SPOP: variants seen among roughly 807,000 people sequenced by gnomAD.
SPOP encodes speckle type BTB/POZ protein.
Under a neutral mutation model 45.6 loss-of-function variants are expected in SPOP, and 11 were observed. That is an observed-to-expected ratio of 0.24 (90% CI 0.15 to 0.40). The LOEUF (loss-of-function observed/expected upper bound fraction) is 0.40. Ranked by LOEUF, SPOP falls within the 10% of genes least tolerant of loss-of-function variation. SPOP has a pLI of 1.00. For missense variants in SPOP, 152 were observed against 465.6 expected (o/e 0.33, Z 6.20); for synonymous variants, 166 against 166.3 (o/e 1.00, Z 0.01).
intron 8 of SPOP, 91 bp from the exon 9 acceptor site, chr17:49,602,098 T>A: frequency 6.9e-7 from 1 of 1,439,692 alleles, no homozygotes; most frequent in Non-Finnish European, 9.5e-7. Flanking sequence ...ACCATCATAT[T>A]AACTAGATAC....
intron 1 of SPOP, among the ~76,000 whole-genome samples, chr17:49,656,276 GATC>G (rs2072912577): frequency 6.6e-6 from 1 of 152,160 alleles, no homozygotes; most frequent in Non-Finnish European, 1.5e-5. Flanking sequence ...GTATTGGGAA[GATC>G]ATTATTTAAA....
At chr17:49,668,659 A>G (rs534381724) in intron 1 of SPOP, among the ~76,000 whole-genome samples, 18 of 152,126 alleles carry the variant, frequency 1.2e-4, no homozygotes, top group Non-Finnish European at 2.1e-4. Context: ...AAGCTGGGTG[A>G]TAAGTATATG....
intron 1 of SPOP, among the ~76,000 whole-genome samples, chr17:49,659,505 T>G (rs1404572160): frequency 6.6e-6 from 1 of 152,166 alleles, no homozygotes; most frequent in Non-Finnish European, 1.5e-5. Context: ...TCCTTAAACC[T>G]CCAACCTACT....
intron 1 of SPOP, among the ~76,000 whole-genome samples, chr17:49,663,563 C>T (rs1407004156): frequency 6.6e-6 from 1 of 152,140 alleles, no homozygotes; most frequent in South Asian, 2.1e-4. Flanking sequence ...TAAATCTAAA[C>T]CCTTGAGTGT....
intron 1 of SPOP, among the ~76,000 whole-genome samples, chr17:49,677,521 C>T (rs950613416): frequency 6.6e-6 from 1 of 152,244 alleles, no homozygotes. Context: ...GACTCGTGCT[C>T]CACCGGCTCT....
intron 6 of SPOP, among the ~76,000 whole-genome samples, chr17:49,609,838 A>T (rs2071931083): frequency 6.6e-6 from 1 of 151,704 alleles, no homozygotes. Context: ...AATAACAGAG[A>T]GATAGTGAAG....
At chr17:49,649,961 G>A (rs2072819489) in intron 1 of SPOP, among the ~76,000 whole-genome samples, 2 of 151,566 alleles carry the variant, frequency 1.3e-5, no homozygotes, top group South Asian at 2.1e-4. Flanking sequence ...GCACGATCTC[G>A]GCTCACCTCA....
intron 1 of SPOP, among the ~76,000 whole-genome samples, chr17:49,649,971 A>C: frequency 6.6e-6 from 1 of 151,442 alleles, no homozygotes; most frequent in East Asian, 2.0e-4. Context: ...GGCTCACCTC[A>C]ACCTCCACCT....
chr17:49,661,562 C>A (rs2143533658), intron 1 of SPOP, among the ~76,000 whole-genome samples: 1 of 152,316 alleles, frequency 6.6e-6, no homozygotes, highest in Non-Finnish European at 1.5e-5. Flanking sequence ...AACTCTTCCT[C>A]TTCTAAGCAC....
chr17:49,661,037 G>C (rs2072980669), intron 1 of SPOP, among the ~76,000 whole-genome samples: 2 of 152,154 alleles, frequency 1.3e-5, no homozygotes, highest in South Asian at 4.1e-4. Flanking sequence ...TTAGCTTGCT[G>C]AAGTTCCTTT....
chr17:49,645,119 G>A (rs1395309947), intron 1 of SPOP, among the ~76,000 whole-genome samples: 1 of 152,086 alleles, frequency 6.6e-6, no homozygotes, highest in Non-Finnish European at 1.5e-5. Flanking sequence ...TACTAATGCA[G>A]CCTAAATCAA....
At chr17:49,662,920 G>A (rs1567802271) in intron 1 of SPOP, among the ~76,000 whole-genome samples, 1 of 152,136 alleles carries the variant, frequency 6.6e-6, no homozygotes, top group Non-Finnish European at 1.5e-5. Flanking sequence ...TCAAAGTGTG[G>A]TCCCAGTAGA....
chr17:49,636,922 T>C (rs1162749134), intron 1 of SPOP: 3 of 152,114 alleles, frequency 2.0e-5, no homozygotes, highest in Admixed American at 6.6e-5. Flanking sequence ...GCAGGTGATA[T>C]ATGAAAGAAG....
At chr17:49,617,243 A>G (rs1449068764) in intron 5 of SPOP, among the ~76,000 whole-genome samples, 1 of 152,252 alleles carries the variant, frequency 6.6e-6, no homozygotes, top group Non-Finnish European at 1.5e-5. Flanking sequence ...TTCATTTCCA[A>G]TAGAAACTAG....
chr17:49,615,087 G>C (rs2072056473), intron 5 of SPOP, among the ~76,000 whole-genome samples: 1 of 152,082 alleles, frequency 6.6e-6, no homozygotes, highest in South Asian at 2.1e-4. Flanking sequence ...TCGAACTTCT[G>C]GGCTTGAATG....
intron 1 of SPOP, among the ~76,000 whole-genome samples, chr17:49,660,481 C>G (rs936329282): frequency 6.6e-6 from 1 of 152,112 alleles, no homozygotes; most frequent in Admixed American, 6.5e-5. Context: ...TTCCAATAAA[C>G]CATATATTTT....
chr17:49,614,134 G>A (rs1423878971), intron 5 of SPOP, among the ~76,000 whole-genome samples: 2 of 151,952 alleles, frequency 1.3e-5, no homozygotes, highest in East Asian at 1.9e-4. Context: ...TAAAACCCAG[G>A]GAAATACATT....
chr17:49,607,666 G>A (rs1486685876), intron 7 of SPOP, among the ~76,000 whole-genome samples: 1 of 152,094 alleles, frequency 6.6e-6, no homozygotes, highest in Non-Finnish European at 1.5e-5. Context: ...CCAAAACTGT[G>A]TGGATGATCA....
At chr17:49,677,164 T>C (rs1260307442) in intron 1 of SPOP, among the ~76,000 whole-genome samples, 2 of 152,224 alleles carry the variant, frequency 1.3e-5, no homozygotes, top group East Asian at 3.8e-4. Context: ...TAGTCTTCTT[T>C]AGCAAGGCTT....
Sources: allele counts gnomAD v4.1 joint callset (sites outside exome capture counted in the v4.1 genomes callset), GRCh38; gene constraint gnomAD v4.1.1; transcripts MANE v1.5; gene names NCBI Gene and HGNC (gene_info 2026-07-23, HGNC 2026-07-21).